Variants in CACNA2D3 observed in about 807,000 individuals in gnomAD.
CACNA2D3 encodes calcium voltage-gated channel auxiliary subunit alpha2delta 3, also known as voltage-dependent calcium channel subunit alpha-2/delta-3.
Under a neutral mutation model 160.6 loss-of-function variants are expected in CACNA2D3, and 60 were observed. The ratio of observed to expected loss-of-function variants is 0.37; its 90% CI spans 0.30 to 0.46. The LOEUF is 0.46. CACNA2D3 is among the 20% of genes least tolerant of loss of function. The probability of loss-of-function intolerance (pLI) is 1.00; values close to 1 mark genes in which losing one functional copy is unlikely to be tolerated. For missense variants in CACNA2D3, 1,205 were observed against 1,365.0 expected, an observed-to-expected ratio of 0.88 and a Z score of 1.85; for synonymous variants, 558 against 492.9, an observed-to-expected ratio of 1.13 and a Z score of -1.75.
At chr3:55,021,697 G>C (rs374046784) in intron 35 of CACNA2D3, among the ~76,000 whole-genome samples, 1 of 138,706 alleles carries the variant, frequency 7.2e-6, no homozygotes, top group African/African-American at 3.0e-5. Context: ...ATATATGTGT[G>C]TATATATATA....
chr3:54,627,335 A>G (rs1423340051), intron 9 of CACNA2D3, among the ~76,000 whole-genome samples: 2 of 152,076 alleles, frequency 1.3e-5, no homozygotes, highest in Non-Finnish European at 2.9e-5. Flanking sequence ...ATGCGGTGGG[A>G]AGAGGGTTAT....
intron 4 of CACNA2D3, among the ~76,000 whole-genome samples, chr3:54,473,747 A>T (rs1340214179): frequency 6.6e-6 from 1 of 152,234 alleles, no homozygotes; most frequent in Non-Finnish European, 1.5e-5. Context: ...ACTTCTCAAA[A>T]GAAGACATTT....
In CACNA2D3 at chr3:54,780,819, G is replaced by C. The variant is rs1157615979; in HGVS notation, c.1380+16468G>C. 2.6e-5 allele frequency among the ~76,000 whole-genome samples: 4 copies of C among 152,102 alleles called. No homozygotes were observed. The East Asian group carries it at 7.7e-4, about 29-fold the overall frequency. On this transcript the variant is annotated intron_variant, in intron 13 of 37. Coordinates refer to ENST00000474759, the MANE Select transcript of CACNA2D3 (RefSeq NM_018398.3). ...TTTTGTAACAGTATACTAAAGGAGT[G>C]GGGGGGTTGGAATCATAGATTTTTG...
Position 54,865,104 on chromosome 3 carries a change from G to A in CACNA2D3, c.1627-6435G>A, listed in dbSNP as rs530066376. Among the ~76,000 whole-genome samples, 133 of 152,312 alleles carry A rather than the reference G, an allele frequency of 8.7e-4. 2 individuals are homozygous for A. Among genetic ancestry groups the A allele is most frequent in the Middle Eastern group, 6.8e-3 (2 of 294 alleles). On this transcript the variant is annotated intron_variant, in intron 17 of 37. Transcript: ENST00000474759. ...TTTTCTAAAGGCACTCACTTGGAAA[G>A]CAGAACAAGATTAGTTACTACATTT...
chr3:54,872,244 A>G (rs577680726), intron 18 of CACNA2D3, among the ~76,000 whole-genome samples: 1 of 152,220 alleles, frequency 6.6e-6, no homozygotes, highest in African/African-American at 2.4e-5. Context: ...CCTTATACCC[A>G]TGACTTAACC....
chr3:54,259,874 G>A lies in CACNA2D3; in HGVS notation c.205-60568G>A, dbSNP rs114732235. On this transcript the variant is annotated intron_variant, in intron 2 of 37. Coordinates refer to ENST00000474759, the MANE Select transcript of CACNA2D3 (RefSeq NM_018398.3). ...AGCAAAGCCCTGCATTCTAGCTGTTGGCTTTTGCAATGCTCAGGAATTTTC... is the reference window on the plus strand; with the variant it reads ...AGCAAAGCCCTGCATTCTAGCTGTTAGCTTTTGCAATGCTCAGGAATTTTC... Among the ~76,000 whole-genome samples, 678 of 152,300 alleles carry A rather than the reference G, an allele frequency of 4.5e-3. 4 individuals are homozygous for A. Among genetic ancestry groups the A allele is most frequent in the African/African-American group, 0.015 (630 of 41,576 alleles).
intron 6 of CACNA2D3, among the ~76,000 whole-genome samples, chr3:54,567,356 G>T (rs985449144): frequency 5.3e-5 from 8 of 152,158 alleles, no homozygotes; most frequent in African/African-American, 1.9e-4. Flanking sequence ...ATTTTTTGAG[G>T]AAGGAATTGG....
intron 11 of CACNA2D3, among the ~76,000 whole-genome samples, chr3:54,657,431 A>G (rs114422065): frequency 0.011 from 1,651 of 152,296 alleles, 32 homozygotes; most frequent in African/African-American, 0.038. Context: ...GCATAGTACC[A>G]TATTGTTAAC....
intron 11 of CACNA2D3, among the ~76,000 whole-genome samples, chr3:54,696,388 C>T (rs1262951183): frequency 2.0e-5 from 3 of 152,174 alleles, no homozygotes; most frequent in African/African-American, 7.2e-5. Context: ...TTTTCAAATG[C>T]CTATGAGGTC....
At chr3:54,355,353 C>T (rs1698631140) in intron 3 of CACNA2D3, among the ~76,000 whole-genome samples, 1 of 152,192 alleles carries the variant, frequency 6.6e-6, no homozygotes, top group African/African-American at 2.4e-5. Flanking sequence ...ACTCCGGCTG[C>T]TGTATAGAGA....
At chr3:54,625,968 G>C (rs1699089231) in intron 9 of CACNA2D3, among the ~76,000 whole-genome samples, 1 of 152,138 alleles carries the variant, frequency 6.6e-6, no homozygotes, top group Non-Finnish European at 1.5e-5. Context: ...GGCGTTGTTG[G>C]GTGTTAGGGC....
chr3:54,327,233 C>T (rs777691643), intron 3 of CACNA2D3, among the ~76,000 whole-genome samples: 10 of 152,212 alleles, frequency 6.6e-5, no homozygotes, highest in Non-Finnish European at 1.5e-4. Context: ...GTCCCTCCCA[C>T]GTTGAGAGGG....
intron 2 of CACNA2D3, among the ~76,000 whole-genome samples, chr3:54,245,132 A>C (rs1255893930): frequency 6.6e-6 from 1 of 152,206 alleles, no homozygotes; most frequent in Non-Finnish European, 1.5e-5. Flanking sequence ...TTGGACAATA[A>C]ATTATATGGT....
At chr3:54,686,634 T>C (rs1700454131) in intron 11 of CACNA2D3, among the ~76,000 whole-genome samples, 1 of 152,222 alleles carries the variant, frequency 6.6e-6, no homozygotes, top group Non-Finnish European at 1.5e-5. Context: ...TCACCAGGGC[T>C]CTGCAGAATA....
chr3:54,891,180 CGTGTGTGT>C lies in CACNA2D3; in HGVS notation c.2151-140_2151-133del, dbSNP rs3836392. ...GGGATACAAGTTGGCAATCTGTGCT[CGTGTGTGT>C]GTGTGTGTGTGTGTGTGTGTGTGTG... On this transcript the variant is annotated intron_variant, in intron 24 of 37. Transcript: ENST00000474759. 3.0e-3 allele frequency among the ~76,000 whole-genome samples: 421 copies of C among 141,992 alleles called. 3 individuals are homozygous for C. The highest frequency in any genetic ancestry group is 9.3e-3 in the African/African-American group (354 of 37,938). The allele number at this position is 141,992 out of a possible 152,430, so 93.2% of individuals were successfully genotyped here.
At chr3:54,292,539 G>A (rs1703235009) in intron 2 of CACNA2D3, among the ~76,000 whole-genome samples, 1 of 151,946 alleles carries the variant, frequency 6.6e-6, no homozygotes, top group Non-Finnish European at 1.5e-5. Flanking sequence ...TATCTTCAAA[G>A]AAGATACACA....
chr3:54,849,313 T>C (rs1387246061), intron 17 of CACNA2D3, among the ~76,000 whole-genome samples: 1 of 152,186 alleles, frequency 6.6e-6, no homozygotes, highest in Non-Finnish European at 1.5e-5. Flanking sequence ...CCGGCATGAA[T>C]ACCCGTGGCT....
At chr3:55,026,542 C>CA (rs1349598895) in intron 35 of CACNA2D3, among the ~76,000 whole-genome samples, 1 of 151,896 alleles carries the variant, frequency 6.6e-6, no homozygotes, top group Non-Finnish European at 1.5e-5. Flanking sequence ...CTTAGGTGGT[C>CA]AAAAAAAGCT....
chr3:54,594,027 A>G (rs1175733458), intron 9 of CACNA2D3, among the ~76,000 whole-genome samples: 3 of 152,182 alleles, frequency 2.0e-5, no homozygotes, highest in African/African-American at 7.2e-5. Context: ...CCAATATACT[A>G]CTGGGGAACT....
Sources: allele counts gnomAD v4.1 joint callset (sites outside exome capture counted in the v4.1 genomes callset), GRCh38; gene constraint gnomAD v4.1.1; transcripts MANE v1.5; gene names NCBI Gene and HGNC (gene_info 2026-07-23, HGNC 2026-07-21).